FRS2: variants seen among roughly 807,000 people sequenced by gnomAD.
FRS2 encodes fibroblast growth factor receptor substrate 2, also known as FGFR signalling adaptor.
A neutral mutation model predicts 43.9 loss-of-function variants in FRS2; 8 were observed. That is an observed-to-expected ratio of 0.18 (90% CI 0.11 to 0.33). The LOEUF (loss-of-function observed/expected upper bound fraction) is 0.33, where lower values mean the gene tolerates loss of function less well. FRS2 is among the 10% of genes least tolerant of loss of function. FRS2 has a pLI of 1.00. For synonymous variants in FRS2, 219 were observed against 220.3 expected, an observed-to-expected ratio of 0.99 and a Z score of 0.05; for missense variants, 534 against 627.6, an observed-to-expected ratio of 0.85 and a Z score of 1.59.
At chr12:69,545,405 A>C (rs1878284894) in intron 3 of FRS2, among the ~76,000 whole-genome samples, 1 of 152,230 alleles carries the variant, frequency 6.6e-6, no homozygotes, top group South Asian at 2.1e-4. Context: ...TACAGTAATC[A>C]AACAGCATGG....
chr12:69,515,296 T>C (rs1023915525), intron 1 of FRS2, among the ~76,000 whole-genome samples: 6 of 152,242 alleles, frequency 3.9e-5, no homozygotes, highest in Non-Finnish European at 8.8e-5. Context: ...CATGTTTATG[T>C]GTTTAGGTAG....
chr12:69,536,854 C>T (rs1467296616), intron 3 of FRS2, among the ~76,000 whole-genome samples: 1 of 152,128 alleles, frequency 6.6e-6, no homozygotes, highest in Non-Finnish European at 1.5e-5. Flanking sequence ...CAGATGTAAG[C>T]CACCGTGCCC....
In FRS2 at chr12:69,578,533, T is replaced by C. The variant is rs1389559269; in HGVS notation, c.*3578T>C. 1 of 152,548 alleles carries C rather than the reference T, an allele frequency of 6.6e-6. No homozygotes were observed. The highest frequency in any genetic ancestry group is 1.5e-5 in the Non-Finnish European group (1 of 68,032). The allele number at this position is 152,548 out of a possible 1,614,324, so 9.4% of individuals were successfully genotyped here. ...CATTTTTGGTATAACACAGTTCTTT[T>C]GTAGCATCATTATAATTGCAGTTCT... On this transcript the variant is annotated 3_prime_UTR_variant, in exon 9 of 9. Coordinates refer to ENST00000549921, the MANE Select transcript of FRS2 (RefSeq NM_001278356.2).
Position 69,570,440 on chromosome 12 carries a change from A to G in FRS2, c.176A>G (p.Tyr59Cys). ...TRKRDSVKWH[Y>C]LCLRRYGYDS... ...AAACGTGACTCAGTAAAATGGCACT[A>G]CCTCTGCCTGCGACGCTATGGCTAT... The change falls in exon 6 of 9, where the codon TAC becomes TGC. Residue 59 changes from tyrosine to cysteine, a missense_variant. Physicochemically the swap from Tyr to Cys is radical, Grantham distance 194 (BLOSUM62 -2). Around this residue, in one of 3 missense-constraint regions of FRS2, gnomAD observed 76 missense variants for 90.5 expected, o/e 0.84. Coordinates refer to ENST00000549921, the MANE Select transcript of FRS2 (RefSeq NM_001278356.2). 6.2e-7 allele frequency: 1 copy of G among 1,612,676 alleles called. No homozygotes were observed. The highest frequency in any genetic ancestry group is 8.5e-7 in the Non-Finnish European group (1 of 1,178,734).
At chr12:69,557,615 TGTGTGC>T (rs1417557657) in intron 3 of FRS2, among the ~76,000 whole-genome samples, 2 of 122,030 alleles carry the variant, frequency 1.6e-5, no homozygotes, top group Middle Eastern at 4.1e-3. Context: ...TGTGTGTGTG[TGTGTGC>T]GCGCGCGCGC....
At chr12:69,500,024 T>C (rs1369288854) in intron 1 of FRS2, among the ~76,000 whole-genome samples, 1 of 152,212 alleles carries the variant, frequency 6.6e-6, no homozygotes, top group African/African-American at 2.4e-5. Context: ...TTAATATCTT[T>C]AAATGACTCT....
In FRS2 at chr12:69,541,080, C is replaced by A. The variant is rs80349611; in HGVS notation, c.-122+9024C>A. Among the ~76,000 whole-genome samples, 959 of 152,130 alleles carry A rather than the reference C, an allele frequency of 6.3e-3. 7 individuals carry two copies. Among genetic ancestry groups the A allele is most frequent in the Non-Finnish European group, 0.011 (745 of 67,968 alleles). Reference sequence around the variant, plus strand: ...TAATGAAGTTTGTTTTTTTAAAAAACCACAAAACTGAGTCCCTCAAGAATT... The same window carrying A: ...TAATGAAGTTTGTTTTTTTAAAAAAACACAAAACTGAGTCCCTCAAGAATT... On this transcript the variant is annotated intron_variant, in intron 3 of 8. Transcript: ENST00000549921.
In FRS2 at chr12:69,574,035, C is replaced by G; in HGVS notation, c.607C>G (p.Gln203Glu). 1 of 1,613,336 alleles carries G rather than the reference C, an allele frequency of 6.2e-7. No individual in the cohort carries two copies. The highest frequency in any genetic ancestry group is 8.5e-7 in the Non-Finnish European group (1 of 1,179,686). The part of the protein sequence containing the change: ...VHTYVNTTGV[Q>E]EERKNRTSVH... ...TACCTATGTCAACACTACAGGTGTG[C>G]AAGAAGAGCGGAAAAACCGCACAAG... Residue 203 changes from glutamine (Q) to glutamate (E), a missense_variant, in exon 9 of 9, where the codon CAA becomes GAA. This residue lies in a region of FRS2 where 446 missense variants were observed against 494.2 expected (regional missense o/e 0.90). Transcript: ENST00000549921.
intron 1 of FRS2, among the ~76,000 whole-genome samples, chr12:69,524,775 C>G (rs1876035395): frequency 6.6e-6 from 1 of 152,184 alleles, no homozygotes; most frequent in Non-Finnish European, 1.5e-5. Flanking sequence ...AGTTCTGCTA[C>G]TACCACTTCT....
At chr12:69,537,645 T>G (rs1877441840) in intron 3 of FRS2, among the ~76,000 whole-genome samples, 1 of 152,146 alleles carries the variant, frequency 6.6e-6, no homozygotes, top group Admixed American at 6.5e-5. Flanking sequence ...TATAATGTAT[T>G]GAGGGCGTTA....
intron 3 of FRS2, among the ~76,000 whole-genome samples, chr12:69,544,978 G>C (rs1052207148): frequency 5.3e-5 from 8 of 152,052 alleles, no homozygotes; most frequent in Non-Finnish European, 1.2e-4. Context: ...ATATGATCCT[G>C]TACATAGAAA....
intron 1 of FRS2, among the ~76,000 whole-genome samples, chr12:69,526,439 A>G (rs886282749): frequency 6.6e-6 from 1 of 151,916 alleles, no homozygotes; most frequent in African/African-American, 2.4e-5. Context: ...TAAGCTTACG[A>G]TTCAGAAAGA....
At chr12:69,510,299 G>A (rs1288624252) in intron 1 of FRS2, among the ~76,000 whole-genome samples, 1 of 152,132 alleles carries the variant, frequency 6.6e-6, no homozygotes, top group Non-Finnish European at 1.5e-5. Flanking sequence ...CCTCGGTAGA[G>A]TTAATTACTC....
intron 1 of FRS2, among the ~76,000 whole-genome samples, chr12:69,529,662 G>C (rs552854128): frequency 2.0e-5 from 3 of 151,214 alleles, no homozygotes; most frequent in South Asian, 4.2e-4. Context: ...GTACTGGAAG[G>C]TTAAATATTT....
At chr12:69,571,509 T>C (rs1880755211) in intron 7 of FRS2, 75 bp downstream of exon 7, 1 of 1,130,938 alleles carries the variant, frequency 8.8e-7, no homozygotes, top group African/African-American at 1.6e-5. Context: ...GGGTATTTAA[T>C]CAATAACACA....
chr12:69,552,115 C>T (rs987445800), intron 3 of FRS2, among the ~76,000 whole-genome samples: 1 of 151,476 alleles, frequency 6.6e-6, no homozygotes, highest in Non-Finnish European at 1.5e-5. Context: ...AGACCAGCCT[C>T]AACATGGAGA....
intron 3 of FRS2, among the ~76,000 whole-genome samples, chr12:69,533,173 A>G (rs1876968111): frequency 6.6e-6 from 1 of 152,238 alleles, no homozygotes; most frequent in Non-Finnish European, 1.5e-5. Flanking sequence ...AACCAGGAAG[A>G]ACCTCATAGC....
At chr12:69,474,303 G>T (rs1391259582) in intron 1 of FRS2, among the ~76,000 whole-genome samples, 1 of 152,138 alleles carries the variant, frequency 6.6e-6, no homozygotes, top group East Asian at 1.9e-4. Flanking sequence ...TGGATTTGTG[G>T]TTAAGGGGAG....
intron 3 of FRS2, among the ~76,000 whole-genome samples, chr12:69,533,412 C>T (rs1210882697): frequency 1.3e-5 from 2 of 151,710 alleles, no homozygotes; most frequent in South Asian, 2.1e-4. Context: ...TGCAATGGCG[C>T]GATCTTGGCT....
Sources: gnomAD v4.1 joint callset for allele counts (sites outside exome capture counted in the v4.1 genomes callset) on GRCh38, gnomAD v4.1.1 for gene constraint, gnomAD v4.1.1 regional missense constraint, MANE v1.5 for transcripts, NCBI Gene and HGNC (gene_info 2026-07-23, HGNC 2026-07-21) for gene names.